CAST: variants seen among roughly 807,000 people sequenced by gnomAD.
The protein encoded by CAST is MIR583 host.
In CAST, 76 loss-of-function variants were observed where a neutral mutation model predicts 119.6. The observed-to-expected ratio is 0.64, with a 90% CI of 0.53 to 0.77. The LOEUF is 0.77. CAST is among the 30% of genes least tolerant of loss of function. CAST has a pLI of 0.00. For missense variants in CAST, 953 were observed against 946.5 expected (o/e 1.01, Z -0.09); for synonymous variants, 319 against 331.6 (o/e 0.96, Z 0.41).
chr5:96,132,726 T>A, the CAST span, among the ~76,000 whole-genome samples: 1 of 152,136 alleles, frequency 6.6e-6, no homozygotes, highest in African/African-American at 2.4e-5. Context: ...CTTCATGGAC[T>A]GAGAGAACAG....
intron 6 of CAST, chr5:96,728,575 C>G (rs111817199): frequency 2.6e-5 from 4 of 151,788 alleles, no homozygotes; most frequent in African/African-American, 9.7e-5. Context: ...CTCCCGGGTT[C>G]ACGCCATTCT....
At chr5:96,293,645 C>G in the CAST span, among the ~76,000 whole-genome samples, 4 of 152,006 alleles carry the variant, frequency 2.6e-5, no homozygotes, top group Non-Finnish European at 4.4e-5. Context: ...CCAGAGAACT[C>G]TAGAAGCACT....
At chr5:96,543,648 T>C (rs868862426) in intron 1 of CAST, among the ~76,000 whole-genome samples, 34 of 152,204 alleles carry the variant, frequency 2.2e-4, no homozygotes, top group African/African-American at 5.1e-4. Flanking sequence ...TTTTGGTGTA[T>C]GTAAAAATTT....
intron 3 of CAST, among the ~76,000 whole-genome samples, chr5:96,718,950 T>C (rs1275998223): frequency 6.6e-6 from 1 of 151,938 alleles, no homozygotes; most frequent in African/African-American, 2.4e-5. Context: ...AGGGGAGAGA[T>C]CACGGGGAGG....
chr5:96,376,597 T>G, the CAST span, among the ~76,000 whole-genome samples: 2 of 152,114 alleles, frequency 1.3e-5, no homozygotes, highest in African/African-American at 4.8e-5. Flanking sequence ...TGCACCACTA[T>G]GCCTGGTTAA....
the CAST span, among the ~76,000 whole-genome samples, chr5:96,284,217 A>G: frequency 5.9e-5 from 9 of 152,232 alleles, no homozygotes; most frequent in African/African-American, 2.2e-4. Flanking sequence ...GAAGGAGGGA[A>G]AAAAGATCAA....
At chr5:96,275,633 C>T in the CAST span, among the ~76,000 whole-genome samples, 1 of 152,124 alleles carries the variant, frequency 6.6e-6, no homozygotes. Flanking sequence ...AGCACATCTG[C>T]TCAAGATATA....
chr5:95,975,500 CTTCAACTGAATTTTTAAATTACCG>C, the CAST span, among the ~76,000 whole-genome samples: 2 of 152,188 alleles, frequency 1.3e-5, no homozygotes, highest in African/African-American at 2.4e-5. Context: ...AACTATTACA[CTTCAACTGAATTTTTAAATTACCG>C]TTCAACTGAA....
At chr5:96,382,308 T>C in the CAST span, among the ~76,000 whole-genome samples, 1 of 152,210 alleles carries the variant, frequency 6.6e-6, no homozygotes, top group African/African-American at 2.4e-5. Context: ...TGAATTCTGC[T>C]GTTTGTGCTA....
At chr5:96,497,159 C>T in the CAST span, among the ~76,000 whole-genome samples, 643 of 152,118 alleles carry the variant, frequency 4.2e-3, 3 homozygotes, top group Non-Finnish European at 5.1e-3. Flanking sequence ...TGGTTTCCAG[C>T]TTCATCCATG....
chr5:96,181,420 T>C, the CAST span, among the ~76,000 whole-genome samples: 1 of 152,188 alleles, frequency 6.6e-6, no homozygotes, highest in Non-Finnish European at 1.5e-5. Flanking sequence ...CTGCTGTCAC[T>C]TTCTGAGTTA....
At chr5:96,633,141 T>G (rs1378291065) in intron 1 of CAST, among the ~76,000 whole-genome samples, 2 of 152,074 alleles carry the variant, frequency 1.3e-5, no homozygotes, top group African/African-American at 4.8e-5. Context: ...CCGGCTAATT[T>G]TTTGTATTTT....
chr5:96,613,747 G>A (rs1747405143), intron 1 of CAST, among the ~76,000 whole-genome samples: 1 of 152,140 alleles, frequency 6.6e-6, no homozygotes, highest in Non-Finnish European at 1.5e-5. Flanking sequence ...TGGAGAAAAC[G>A]TTAAGTACCT....
At chr5:96,592,759 A>C (rs909992100) in intron 1 of CAST, among the ~76,000 whole-genome samples, 16 of 129,588 alleles carry the variant, frequency 1.2e-4, no homozygotes, top group South Asian at 5.4e-4. Context: ...TTTCTGTTTT[A>C]TTTTCTTTTT....
chr5:96,521,548 G>T, upstream of CAST, among the ~76,000 whole-genome samples: 1 of 152,238 alleles, frequency 6.6e-6, no homozygotes. Context: ...CATGTCACAT[G>T]TTCCCCATAA....
chr5:96,124,459 T>C, the CAST span, among the ~76,000 whole-genome samples: 2 of 152,208 alleles, frequency 1.3e-5, no homozygotes, highest in Non-Finnish European at 2.9e-5. Flanking sequence ...ATTTCAAGCA[T>C]TTTTATTCTT....
chr5:96,343,558 G>GCC, the CAST span, among the ~76,000 whole-genome samples: 1 of 152,188 alleles, frequency 6.6e-6, no homozygotes, highest in African/African-American at 2.4e-5. Flanking sequence ...GAGGCTACCT[G>GCC]TAAGGAGAAG....
the CAST span, among the ~76,000 whole-genome samples, chr5:96,324,952 C>T: frequency 7.3e-3 from 1,109 of 152,264 alleles, 13 homozygotes; most frequent in African/African-American, 0.026. Context: ...TGCCTGTAAT[C>T]CCAAACCTTT....
the CAST span, among the ~76,000 whole-genome samples, chr5:96,286,284 T>C: frequency 3.9e-5 from 6 of 152,232 alleles, no homozygotes; most frequent in African/African-American, 1.4e-4. Context: ...AATACTCTAG[T>C]TGCCATAAAG....
Sources: gnomAD v4.1 joint callset for allele counts (sites outside exome capture counted in the v4.1 genomes callset) on GRCh38, gnomAD v4.1.1 for gene constraint, MANE v1.5 for transcripts, NCBI Gene and HGNC (gene_info 2026-07-23, HGNC 2026-07-21) for gene names.